Variants in FMN2 observed in about 807,000 individuals in gnomAD.
FMN2 encodes formin-2.
FMN2 carries 51 observed loss-of-function variants against 142.3 expected under a neutral mutation model. The observed-to-expected ratio is 0.36, with a 90% confidence interval of 0.29 to 0.45. FMN2 has a LOEUF of 0.45. FMN2 is among the 20% of genes least tolerant of loss of function. FMN2 has a pLI of 1.00. For synonymous variants in FMN2, 882 were observed against 869.8 expected, an observed-to-expected ratio of 1.01 and a Z score of -0.25; for missense variants, 1,936 against 2,122.8, an observed-to-expected ratio of 0.91 and a Z score of 1.73.
chr1:240,216,184 A>C (rs570608396), intron 6 of FMN2, among the ~76,000 whole-genome samples: 1 of 152,342 alleles, frequency 6.6e-6, no homozygotes, highest in Middle Eastern at 3.4e-3. Context: ...GCAGACAGCC[A>C]TTGTGGTTAA....
At chr1:240,452,968 G>A (rs1459495701) in intron 16 of FMN2, among the ~76,000 whole-genome samples, 3 of 152,106 alleles carry the variant, frequency 2.0e-5, no homozygotes, top group East Asian at 3.9e-4. Flanking sequence ...GCACGTGCTT[G>A]TAGGTTAAAA....
intron 15 of FMN2, among the ~76,000 whole-genome samples, chr1:240,395,398 G>T (rs9660036): frequency 0.69 from 104,676 of 152,062 alleles, 37,991 homozygotes; most frequent in African/African-American, 0.93. Context: ...AGTCTTATTA[G>T]TTAAGAAATA....
intron 14 of FMN2, among the ~76,000 whole-genome samples, chr1:240,359,682 C>T (rs1489220402): frequency 6.6e-6 from 1 of 152,178 alleles, no homozygotes; most frequent in African/African-American, 2.4e-5. Flanking sequence ...CTAAAATAGG[C>T]AGATTTAGAG....
chr1:240,127,927 T>C (rs1297736924), intron 2 of FMN2, among the ~76,000 whole-genome samples: 2 of 151,808 alleles, frequency 1.3e-5, no homozygotes, highest in East Asian at 3.9e-4. Context: ...AGTTAGTAGG[T>C]TGGGGTGGAT....
At chr1:240,256,964 A>T (rs538342828) in intron 6 of FMN2, among the ~76,000 whole-genome samples, 1 of 152,240 alleles carries the variant, frequency 6.6e-6, no homozygotes, top group Admixed American at 6.5e-5. Flanking sequence ...AACTTAAACC[A>T]TAAGGGAAGA....
intron 7 of FMN2, among the ~76,000 whole-genome samples, chr1:240,276,633 G>T (rs1354182082): frequency 6.6e-6 from 1 of 152,082 alleles, no homozygotes; most frequent in Non-Finnish European, 1.5e-5. Flanking sequence ...GTGTGTCAGT[G>T]TTTTCCATCC....
chr1:240,345,801 G>A (rs556875077), intron 13 of FMN2, among the ~76,000 whole-genome samples: 71 of 152,138 alleles, frequency 4.7e-4, no homozygotes, highest in South Asian at 2.3e-3. Flanking sequence ...GTCTTATTAA[G>A]TCAAAAATGT....
At chr1:240,355,406 A>G (rs1672230143) in intron 13 of FMN2, among the ~76,000 whole-genome samples, 1 of 152,188 alleles carries the variant, frequency 6.6e-6, no homozygotes, top group Non-Finnish European at 1.5e-5. Flanking sequence ...ATGATGATAG[A>G]AAATAGTTAC....
intron 16 of FMN2, among the ~76,000 whole-genome samples, chr1:240,468,583 A>G (rs1676710424): frequency 6.6e-6 from 1 of 152,108 alleles, no homozygotes; most frequent in African/African-American, 2.4e-5. Flanking sequence ...AACAGGACAT[A>G]TTGGTCATTT....
chr1:240,412,317 G>C (rs539063007), intron 15 of FMN2, among the ~76,000 whole-genome samples: 2 of 152,264 alleles, frequency 1.3e-5, no homozygotes, highest in African/African-American at 4.8e-5. Flanking sequence ...TTGAGTAATT[G>C]GGTCAGGAGC....
intron 1 of FMN2, among the ~76,000 whole-genome samples, chr1:240,114,546 G>C (rs1316102511): frequency 6.6e-6 from 1 of 151,832 alleles, no homozygotes; most frequent in Non-Finnish European, 1.5e-5. Context: ...CTTTGCAAGA[G>C]TTTCAATTGA....
intron 16 of FMN2, among the ~76,000 whole-genome samples, chr1:240,444,866 C>G (rs1176673015): frequency 6.6e-6 from 1 of 152,192 alleles, no homozygotes; most frequent in Non-Finnish European, 1.5e-5. Flanking sequence ...GAAAATACAT[C>G]TGAAGAATGG....
chr1:240,093,840 C>G (rs1481823270), intron 1 of FMN2, 116 bp downstream of exon 1: 4 of 651,828 alleles, frequency 6.1e-6, no homozygotes, highest in African/African-American at 5.7e-5. Context: ...TGGCACATCT[C>G]TTCTCCGTAG....
At chr1:240,464,440 A>G (rs1676547564) in intron 16 of FMN2, among the ~76,000 whole-genome samples, 1 of 152,138 alleles carries the variant, frequency 6.6e-6, no homozygotes, top group African/African-American at 2.4e-5. Context: ...ACCCACATAT[A>G]CCCGACAAAA....
At position 240,233,703 on chromosome 1, in the gene FMN2, G is replaced by A. The variant is rs142356265; in HGVS notation, c.4065+22468G>A. 6.0e-3 allele frequency among the ~76,000 whole-genome samples: 911 copies of A among 151,994 alleles called. 7 individuals are homozygous for A. The highest frequency in any genetic ancestry group is 9.1e-3 in the Non-Finnish European group (617 of 67,984). ...GACCACTTCATTAATTAATTAGTAG[G>A]ACCTTACAAAGAATAGGACCACCTC... On this transcript the variant is annotated intron_variant, in intron 6 of 17. Transcript: ENST00000319653.
chr1:240,208,884 T>G, intron 5 of FMN2, 152 bp downstream of exon 5: 1 of 1,011,528 alleles, frequency 9.9e-7, no homozygotes, highest in South Asian at 2.0e-5. Context: ...TGCAGCAGTT[T>G]GCTATTTAAA....
intron 2 of FMN2, among the ~76,000 whole-genome samples, chr1:240,157,955 A>G (rs1664094942): frequency 6.8e-6 from 1 of 147,470 alleles, no homozygotes; most frequent in Admixed American, 6.8e-5. Context: ...GAGGCAACAT[A>G]GTCAGACTCT....
intron 8 of FMN2, among the ~76,000 whole-genome samples, chr1:240,315,582 C>G (rs1670756061): frequency 6.6e-6 from 1 of 152,148 alleles, no homozygotes; most frequent in South Asian, 2.1e-4. Context: ...TGCCAACATA[C>G]AAGTGTTCAA....
intron 14 of FMN2, among the ~76,000 whole-genome samples, chr1:240,388,095 G>A (rs1286802818): frequency 4.0e-5 from 6 of 148,160 alleles, no homozygotes; most frequent in East Asian, 2.0e-4. Flanking sequence ...GGAGAATGGC[G>A]TGAACCCAGG....
Sources: gnomAD v4.1 joint callset for allele counts (sites outside exome capture counted in the v4.1 genomes callset) on GRCh38, gnomAD v4.1.1 for gene constraint, MANE v1.5 for transcripts, NCBI Gene and HGNC (gene_info 2026-07-23, HGNC 2026-07-21) for gene names.